Variants in SIPA1L1 observed in about 807,000 individuals in gnomAD.
SIPA1L1 encodes the protein signal induced proliferation associated 1 like 1, also known as signal-induced proliferation-associated 1-like protein 1.
SIPA1L1 carries 26 observed loss-of-function variants against 162.7 expected under a neutral mutation model. The ratio of observed to expected loss-of-function variants is 0.16; its 90% CI spans 0.12 to 0.22. The LOEUF (loss-of-function observed/expected upper bound fraction) is 0.22. Among genes scored for constraint, SIPA1L1 ranks in the 10% least tolerant of loss-of-function variants. SIPA1L1 has a pLI of 1.00. For synonymous variants in SIPA1L1, 829 were observed against 837.4 expected (o/e 0.99, Z 0.17); for missense variants, 1,874 against 2,241.0 (o/e 0.84, Z 3.31).
chr14:71,727,104 C>T (rs1437183213), intron 19 of SIPA1L1, among the ~76,000 whole-genome samples: 3 of 152,094 alleles, frequency 2.0e-5, no homozygotes, highest in Non-Finnish European at 2.9e-5. Flanking sequence ...GGCAGAGCTA[C>T]AGCACTCTAA....
At chr14:71,378,009 G>A (rs997638139) in intron 2 of SIPA1L1, among the ~76,000 whole-genome samples, 1 of 152,144 alleles carries the variant, frequency 6.6e-6, no homozygotes, top group African/African-American at 2.4e-5. Flanking sequence ...TGGAAAGAAG[G>A]AGAGGGAGAG....
intron 2 of SIPA1L1, among the ~76,000 whole-genome samples, chr14:71,413,202 T>G (rs1020165478): frequency 1.8e-4 from 27 of 152,308 alleles, no homozygotes; most frequent in African/African-American, 6.3e-4. Flanking sequence ...TTGCAAGATG[T>G]CACCTGTGGG....
At chr14:71,344,803 T>C (rs577217880) in intron 2 of SIPA1L1, among the ~76,000 whole-genome samples, 10 of 152,160 alleles carry the variant, frequency 6.6e-5, no homozygotes, top group Non-Finnish European at 1.0e-4. Flanking sequence ...TGAGCTCAAG[T>C]GATCCGCCAG....
rs943924629 is a variant in SIPA1L1, at chr14:71,504,020, G to A, written c.-464-8723G>A. ...GGGTTTTACCATGTTGTCCAGGCTGGTCTCAAACTCCTGGCCTCAAGCGAT... is the reference window on the plus strand; with the variant it reads ...GGGTTTTACCATGTTGTCCAGGCTGATCTCAAACTCCTGGCCTCAAGCGAT... On this transcript the variant is annotated intron_variant, in intron 2 of 23. Coordinates refer to ENST00000381232, the MANE Select transcript of SIPA1L1 (RefSeq NM_001386936.1). 7 of 151,888 alleles carry A rather than the reference G, an allele frequency of 4.6e-5. No individual in the cohort carries two copies. In the South Asian group the frequency reaches 6.2e-4, roughly 14 times the overall value. The allele number at this position is 151,888 out of a possible 1,614,324, so 9.4% of individuals were successfully genotyped here.
At position 71,676,467 on chromosome 14, in the gene SIPA1L1, C is replaced by CTT. The variant is rs201499028; in HGVS notation, c.3104+3860_3104+3861dup. Among the ~76,000 whole-genome samples, 738 of 138,142 alleles carry CTT rather than the reference C, an allele frequency of 5.3e-3. 3 individuals carry two copies. Among genetic ancestry groups the CTT allele is most frequent in the Non-Finnish European group, 9.4e-3 (595 of 63,294 alleles). 90.6% of individuals were successfully genotyped at this position (138,142 alleles called of 152,430 possible). ...CCCCTACTAGGTGCCAGGCATTTTC[C>CTT]TTTTTTTTTTTTTTTTAAGTATATA... On this transcript the variant is annotated intron_variant, in intron 12 of 23. Transcript: ENST00000381232.
rs985233367 is a variant in SIPA1L1, at chr14:71,510,177, C to CTTTTTTTTTTTTT, written c.-464-2554_-464-2542dup. ...GCTAGTTCCCCTTAATCCCCCCCAC[C>CTTTTTTTTTTTTT]TTTTTTTTTTTTTTTTTTTTTTTTG... On this transcript the variant is annotated intron_variant, in intron 2 of 23. Coordinates refer to ENST00000381232, the MANE Select transcript of SIPA1L1 (RefSeq NM_001386936.1). 1.0e-4 allele frequency among the ~76,000 whole-genome samples: 8 copies of CTTTTTTTTTTTTT among 77,468 alleles called. 1 individual carries two copies. The highest frequency in any genetic ancestry group is 5.2e-4 in the East Asian group (1 of 1,918). 50.8% of individuals were successfully genotyped at this position (77,468 alleles called of 152,430 possible).
intron 5 of SIPA1L1, among the ~76,000 whole-genome samples, chr14:71,603,792 G>A (rs2037098238): frequency 6.6e-6 from 1 of 151,556 alleles, no homozygotes; most frequent in Non-Finnish European, 1.5e-5. Context: ...GCACGTGCGT[G>A]TAATCCCAGC....
At chr14:71,337,425 G>A (rs2140360340) in intron 2 of SIPA1L1, among the ~76,000 whole-genome samples, 1 of 152,296 alleles carries the variant, frequency 6.6e-6, no homozygotes, top group African/African-American at 2.4e-5. Flanking sequence ...GAGGCTTAAT[G>A]GACTCACAGT....
At chr14:71,371,541 C>T (rs1313212241) in intron 2 of SIPA1L1, among the ~76,000 whole-genome samples, 1 of 151,450 alleles carries the variant, frequency 6.6e-6, no homozygotes, top group Non-Finnish European at 1.5e-5. Context: ...GCATGTATCA[C>T]CATGCCTGGC....
intron 3 of SIPA1L1, among the ~76,000 whole-genome samples, chr14:71,523,025 AT>A (rs768466752): frequency 1.3e-5 from 2 of 151,762 alleles, no homozygotes; most frequent in Non-Finnish European, 2.9e-5. Context: ...ACTCTGGGTA[AT>A]TTTTCAAGGT....
intron 10 of SIPA1L1, among the ~76,000 whole-genome samples, chr14:71,661,705 T>A (rs1176087787): frequency 2.6e-5 from 4 of 152,250 alleles, no homozygotes; most frequent in African/African-American, 7.2e-5. Flanking sequence ...TCTTAGGTGA[T>A]GTCCTTCATC....
chr14:71,457,022 T>C (rs1182058936), intron 2 of SIPA1L1, among the ~76,000 whole-genome samples: 1 of 152,226 alleles, frequency 6.6e-6, no homozygotes, highest in African/African-American at 2.4e-5. Flanking sequence ...CCTCAAGCAA[T>C]CCTACTGCCT....
At chr14:71,625,497 A>G (rs1406328098) in intron 7 of SIPA1L1, among the ~76,000 whole-genome samples, 1 of 152,134 alleles carries the variant, frequency 6.6e-6, no homozygotes, top group Non-Finnish European at 1.5e-5. Flanking sequence ...GCCTTTTTCT[A>G]TCCATTTCAC....
Position 71,738,252 on chromosome 14 carries a change from C to T in SIPA1L1, c.5135C>T (p.Ser1712Phe). The change falls in exon 23 of 24, where the codon TCC (serine) becomes TTC (phenylalanine). Residue 1712 changes from serine to phenylalanine, a missense_variant. Transcript: ENST00000381232. ...TTTCTTGTTCCCAGCAGTAAAGACTCCTCTCCCACTCTGGCTTCTAAAGTG... is the reference window on the plus strand; with the variant it reads ...TTTCTTGTTCCCAGCAGTAAAGACTTCTCTCCCACTCTGGCTTCTAAAGTG... ...QMKPYSSSKD[S>F]SPTLASKVDQ... 6.2e-7 allele frequency: 1 copy of T among 1,611,836 alleles called. No homozygotes were observed. Among genetic ancestry groups the T allele is most frequent in the Non-Finnish European group, 8.5e-7 (1 of 1,178,506 alleles).
chr14:71,398,374 A>T (rs1251605933), intron 2 of SIPA1L1: 1 of 152,210 alleles, frequency 6.6e-6, no homozygotes, highest in Non-Finnish European at 1.5e-5. Context: ...ACAGCGGTTC[A>T]CCTAGTGAAT....
At chr14:71,417,193 G>A (rs2042832726) in intron 2 of SIPA1L1, among the ~76,000 whole-genome samples, 2 of 152,058 alleles carry the variant, frequency 1.3e-5, no homozygotes, top group African/African-American at 4.8e-5. Flanking sequence ...AATAACATAA[G>A]CTAGAGAGAA....
At chr14:71,726,178 T>A (rs770650135) in intron 19 of SIPA1L1, among the ~76,000 whole-genome samples, 1 of 152,252 alleles carries the variant, frequency 6.6e-6, no homozygotes, top group Non-Finnish European at 1.5e-5. Flanking sequence ...TGATTTATGT[T>A]AATAAATCAT....
At chr14:71,586,818 A>G (rs919929580) in intron 4 of SIPA1L1, 10 of 152,300 alleles carry the variant, frequency 6.6e-5, no homozygotes, top group African/African-American at 2.4e-4. Flanking sequence ...AAATGCAGGC[A>G]TTTTGTTCAT....
intron 2 of SIPA1L1, among the ~76,000 whole-genome samples, chr14:71,422,364 TCGTTGGTATTAAATAC>T (rs1181563353): frequency 2.6e-5 from 4 of 152,204 alleles, no homozygotes; most frequent in African/African-American, 9.7e-5. Context: ...ACCGTACAGT[TCGTTGGTATTAAATAC>T]ATTAATAATG....
Sources: gnomAD v4.1 joint callset for allele counts (sites outside exome capture counted in the v4.1 genomes callset) on GRCh38, gnomAD v4.1.1 for gene constraint, MANE v1.5 for transcripts, NCBI Gene and HGNC (gene_info 2026-07-23, HGNC 2026-07-21) for gene names.